Variants in TVP23A observed in about 807,000 individuals in gnomAD.
TVP23A encodes Golgi apparatus membrane protein TVP23 homolog A.
TVP23A carries 21 observed loss-of-function variants against 31.7 expected under a neutral mutation model. That is an observed-to-expected ratio of 0.66 (90% CI 0.47 to 0.95). The LOEUF is 0.95. Among genes scored for constraint, TVP23A ranks in the 40% least tolerant of loss-of-function variants. The pLI, the probability that TVP23A is intolerant of heterozygous loss-of-function variation, is 0.00. For synonymous variants in TVP23A, 104 were observed against 96.0 expected, an observed-to-expected ratio of 1.08 and a Z score of -0.49; for missense variants, 279 against 255.6, an observed-to-expected ratio of 1.09 and a Z score of -0.62.
At chr16:10,776,713 C>G (rs1358089664) in intron 2 of TVP23A, among the ~76,000 whole-genome samples, 1 of 152,186 alleles carries the variant, frequency 6.6e-6, no homozygotes, top group Non-Finnish European at 1.5e-5. Context: ...TAAAGAATGG[C>G]TAGTCTATAG....
chr16:10,814,497 C>CCGATTCTA (rs1310694195), intron 2 of TVP23A, among the ~76,000 whole-genome samples: 2 of 152,146 alleles, frequency 1.3e-5, no homozygotes, highest in African/African-American at 2.4e-5. Context: ...GCAAGGCGGG[C>CCGATTCTA]CGATTCTACC....
chr16:10,760,893 AGAAC>A (rs1349868830), downstream of TVP23A: 1 of 164,738 alleles, frequency 6.1e-6, no homozygotes, highest in African/African-American at 2.4e-5. Context: ...ACTGCTGTAA[AGAAC>A]TGCCTGAGAC....
At position 10,767,939 on chromosome 16, in the gene TVP23A, C is replaced by G. The variant is rs1555476751; in HGVS notation, c.*1163G>C. 2 of 1,613,766 alleles carry G rather than the reference C, an allele frequency of 1.2e-6. No homozygotes were observed. Among genetic ancestry groups the G allele is most frequent in the African/African-American group, 1.3e-5 (1 of 74,902 alleles). ...GGACTGAATTGTCTTCCGTTTGTTT[C>G]TTTTTTAAGGTAAGAATTGTGACAA... is the stretch of plus-strand genomic sequence containing the variant. On this transcript the variant is annotated 3_prime_UTR_variant, in exon 8 of 8. Coordinates refer to ENST00000299866, the MANE Select transcript of TVP23A (RefSeq NM_001079512.4). The surrounding 1 kb of genome is among the most constrained non-coding windows in gnomAD (Gnocchi z 4.6).
intron 2 of TVP23A, among the ~76,000 whole-genome samples, chr16:10,811,565 T>C (rs2034200496): frequency 6.6e-6 from 1 of 151,944 alleles, no homozygotes; most frequent in Non-Finnish European, 1.5e-5. Context: ...CCACAGTGCC[T>C]GGCCATGAAT....
chr16:10,813,483 G>T (rs2034291757), intron 2 of TVP23A, among the ~76,000 whole-genome samples: 1 of 152,118 alleles, frequency 6.6e-6, no homozygotes, highest in Non-Finnish European at 1.5e-5. Flanking sequence ...TTAATGTTTG[G>T]ATCCTTTGGG....
intron 2 of TVP23A, among the ~76,000 whole-genome samples, chr16:10,802,338 G>A (rs1226820855): frequency 6.6e-6 from 1 of 151,500 alleles, no homozygotes; most frequent in Admixed American, 6.6e-5. Context: ...GGAATGCAGT[G>A]GTGTGATCTC....
chr16:10,761,083 C>G (rs971677507), downstream of TVP23A: 1 of 307,302 alleles, frequency 3.3e-6, no homozygotes, highest in African/African-American at 2.2e-5. Flanking sequence ...ACCATCAGAT[C>G]TCGTGAAAAC....
chr16:10,799,311 G>A, intron 2 of TVP23A, among the ~76,000 whole-genome samples: 1 of 152,174 alleles, frequency 6.6e-6, no homozygotes, highest in East Asian at 1.9e-4. Context: ...CCCTGCTACA[G>A]GCTCTAATGT....
In TVP23A at chr16:10,774,069, C is replaced by T. The variant is rs1198290991; in HGVS notation, c.294G>A (p.Gly98=). The change falls in exon 4 of 8, where the codon GGG becomes GGA. Residue 98 remains glycine (G), a synonymous_variant. Coordinates refer to ENST00000299866, the MANE Select transcript of TVP23A (RefSeq NM_001079512.4). The stretch of plus-strand genomic sequence containing the variant: ...TGGCTTCAAAGATCCAGTGGCTCTT[C>T]CCATCTTCATCTATCTGGTTCCACC... ...LRWWNQIDED[G]KSHWIFEARK... The T allele has an allele frequency of 1.9e-6, 3 of 1,612,052 alleles. No homozygotes were observed. In the South Asian group the frequency reaches 3.3e-5, roughly 18 times the overall value.
At chr16:10,758,141 C>T (rs1004096191), downstream of TVP23A, 68 of 1,224,048 alleles carry the variant, frequency 5.6e-5, 1 homozygote, top group Middle Eastern at 5.6e-4. Flanking sequence ...GTGTGTGTTC[C>T]GCAGCTGCAT....
intron 2 of TVP23A, among the ~76,000 whole-genome samples, chr16:10,803,245 C>CTGTGTG (rs3040297): frequency 0.052 from 7,004 of 135,388 alleles, 239 homozygotes; most frequent in Non-Finnish European, 0.066. Context: ...GATCGCGCCA[C>CTGTGTG]TGTGTGTGTG....
intron 6 of TVP23A, 90 bp from the exon 7 acceptor site, chr16:10,770,421 T>A: frequency 7.1e-7 from 1 of 1,416,546 alleles, no homozygotes; most frequent in South Asian, 1.3e-5. Context: ...ACCCACAAAG[T>A]ACAGAAAACC....
At chr16:10,795,185 C>T (rs539761422) in intron 2 of TVP23A, among the ~76,000 whole-genome samples, 2 of 151,860 alleles carry the variant, frequency 1.3e-5, no homozygotes, top group African/African-American at 4.8e-5. Context: ...GAGGCTCCCA[C>T]TGGCCAACAG....
chr16:10,796,266 G>C (rs2033382372), intron 2 of TVP23A, among the ~76,000 whole-genome samples: 1 of 151,970 alleles, frequency 6.6e-6, no homozygotes, highest in African/African-American at 2.4e-5. Flanking sequence ...CTAGAGCCCA[G>C]GAGTTCAAGG....
Position 10,777,747 on chromosome 16 carries a change from C to T in TVP23A, c.90-2651G>A, listed in dbSNP as rs760769747. Among the ~76,000 whole-genome samples the T allele has an allele frequency of 5.3e-5, 8 of 152,192 alleles. No homozygotes were observed. Among genetic ancestry groups the T allele is most frequent in the Non-Finnish European group, 1.2e-4 (8 of 68,034 alleles). On this transcript the variant is annotated intron_variant, in intron 2 of 7. Transcript: ENST00000299866. This position sits in a 1 kb window ranked among gnomAD's most constrained non-coding sequence, Gnocchi z 4.5. ...CAGGATCAAGCCGGGCGTGGTGGCT[C>T]ACGCCTGTAATCCCAGCACTTTGGG...
At chr16:10,775,452 G>GGTAAAGGTTGGGTTTT (rs1271645834) in intron 2 of TVP23A, 4 of 1,071,018 alleles carry the variant, frequency 3.7e-6, no homozygotes, top group Admixed American at 9.7e-5. Context: ...GTTCCCTAAA[G>GGTAAAGGTTGGGTTTT]GTAAAGGTTG....
At chr16:10,764,837 G>A (rs8050458), downstream of TVP23A, among the ~76,000 whole-genome samples, 79 of 69,396 alleles carry the variant, frequency 1.1e-3, 5 homozygotes, top group East Asian at 3.3e-3. Flanking sequence ...ATGTCAGTCT[G>A]TTGGAGCATC....
rs562279267 is a variant in TVP23A at position 10,768,191 on chromosome 16, A to G, written c.*911T>C. 1.4e-4 allele frequency: 81 copies of G among 561,848 alleles called. No homozygotes were observed. Among genetic ancestry groups the G allele is most frequent in the Non-Finnish European group, 2.2e-4 (70 of 318,568 alleles). 34.8% of individuals were successfully genotyped at this position (561,848 alleles called of 1,614,324 possible). ...CCAGGAGTCCATGAGAAATCTCTCAATGTGTGAGTATTGTGAATTAATTCA... is the reference window on the plus strand; with the variant it reads ...CCAGGAGTCCATGAGAAATCTCTCAGTGTGTGAGTATTGTGAATTAATTCA... On this transcript the variant is annotated 3_prime_UTR_variant, in exon 8 of 8. Coordinates refer to ENST00000299866, the MANE Select transcript of TVP23A (RefSeq NM_001079512.4). This position sits in a 1 kb window ranked among gnomAD's most constrained non-coding sequence, Gnocchi z 4.3.
At chr16:10,802,147 C>G (rs559360638) in intron 2 of TVP23A, among the ~76,000 whole-genome samples, 15 of 151,714 alleles carry the variant, frequency 9.9e-5, no homozygotes, top group African/African-American at 2.7e-4. Context: ...ACTAGGAAGA[C>G]TCAGAAGCCA....
Sources: allele counts gnomAD v4.1 joint callset (sites outside exome capture counted in the v4.1 genomes callset), GRCh38; gene constraint gnomAD v4.1.1; non-coding constraint Gnocchi (gnomAD v3.1); transcripts MANE v1.5; gene names NCBI Gene and HGNC (gene_info 2026-07-23, HGNC 2026-07-21).